The following SGCZ variants were observed in gnomAD, a reference collection of about 807,000 sequenced individuals.
The protein encoded by SGCZ is sarcoglycan zeta, also known as zeta-sarcoglycan.
Under a neutral mutation model 41.3 loss-of-function variants are expected in SGCZ, and 40 were observed. That is an observed-to-expected ratio of 0.97 (90% CI 0.75 to 1.26). The LOEUF (loss-of-function observed/expected upper bound fraction) is 1.26, where lower values mean the gene tolerates loss of function less well. Among genes scored for constraint, SGCZ ranks in the 50% most tolerant of loss-of-function variants. The pLI is 0.00. For synonymous variants in SGCZ, 206 were observed against 137.5 expected (o/e 1.50, Z -3.49); for missense variants, 552 against 369.8 (o/e 1.49, Z -4.04).
At chr8:14,128,372 C>T (rs970431622) in intron 5 of SGCZ, among the ~76,000 whole-genome samples, 19 of 152,200 alleles carry the variant, frequency 1.2e-4, no homozygotes, top group Admixed American at 3.3e-4. Context: ...TTACACCGTT[C>T]GGAACAGCTA....
chr8:15,217,212 T>C (rs1038690197), intron 1 of SGCZ, among the ~76,000 whole-genome samples: 2 of 151,344 alleles, frequency 1.3e-5, no homozygotes, highest in African/African-American at 4.9e-5. Flanking sequence ...GGTCAGGAGA[T>C]CGAGACCATC....
intron 2 of SGCZ, among the ~76,000 whole-genome samples, chr8:14,380,594 C>CAGGCG (rs1235675293): frequency 2.4e-4 from 36 of 152,312 alleles, no homozygotes; most frequent in Non-Finnish European, 3.2e-4. Flanking sequence ...TGGCTCATGC[C>CAGGCG]TGTAATCCCA....
intron 2 of SGCZ, among the ~76,000 whole-genome samples, chr8:14,529,830 T>C (rs1207426514): frequency 9.9e-5 from 15 of 152,096 alleles, no homozygotes; most frequent in Admixed American, 6.6e-4. Context: ...CTCATCTTTA[T>C]TGTAAAGATA....
chr8:14,423,422 T>A (rs567382796), intron 2 of SGCZ, among the ~76,000 whole-genome samples: 154 of 152,188 alleles, frequency 1.0e-3, no homozygotes, highest in Non-Finnish European at 1.9e-3. Context: ...TGATAATAAT[T>A]ATTATTTTTT....
intron 4 of SGCZ, among the ~76,000 whole-genome samples, chr8:14,199,792 C>G (rs1339812688): frequency 1.3e-5 from 2 of 152,010 alleles, no homozygotes; most frequent in Non-Finnish European, 1.5e-5. Context: ...AACGCATTTC[C>G]TTTTTAAAGA....
intron 1 of SGCZ, among the ~76,000 whole-genome samples, chr8:15,199,807 A>T (rs542272456): frequency 6.6e-6 from 1 of 152,348 alleles, no homozygotes; most frequent in South Asian, 2.1e-4. Flanking sequence ...TATGAAACCT[A>T]TACTGTATTA....
intron 2 of SGCZ, among the ~76,000 whole-genome samples, chr8:14,374,219 G>T (rs1804021450): frequency 6.6e-6 from 1 of 151,924 alleles, no homozygotes; most frequent in Non-Finnish European, 1.5e-5. Flanking sequence ...CTCTACACAA[G>T]TATACAAAAA....
intron 1 of SGCZ, among the ~76,000 whole-genome samples, chr8:14,968,603 G>A (rs747033967): frequency 3.9e-5 from 6 of 152,104 alleles, no homozygotes; most frequent in Non-Finnish European, 7.4e-5. Flanking sequence ...TGTAGATGAC[G>A]TGTGTACAGA....
chr8:14,668,175 G>C (rs548486309), intron 1 of SGCZ, among the ~76,000 whole-genome samples: 1 of 152,252 alleles, frequency 6.6e-6, no homozygotes, highest in East Asian at 1.9e-4. Context: ...GGCCAGGCTA[G>C]TCTCAAACTC....
At chr8:15,140,366 G>T (rs2116994945) in intron 1 of SGCZ, among the ~76,000 whole-genome samples, 1 of 152,210 alleles carries the variant, frequency 6.6e-6, no homozygotes, top group African/African-American at 2.4e-5. Flanking sequence ...TATAAATAGT[G>T]TAATCACTTA....
chr8:14,167,287 G>T (rs1421867132), intron 4 of SGCZ, among the ~76,000 whole-genome samples: 5 of 152,076 alleles, frequency 3.3e-5, no homozygotes, highest in Non-Finnish European at 7.4e-5. Context: ...GTCAAGGCAG[G>T]ATTCAGTTAC....
chr8:15,203,973 A>G (rs1420230531), intron 1 of SGCZ, among the ~76,000 whole-genome samples: 2 of 152,206 alleles, frequency 1.3e-5, no homozygotes, highest in Admixed American at 1.3e-4. Context: ...CGTTTATGTA[A>G]GAAACAATAA....
At chr8:14,391,667 C>T (rs970179725) in intron 2 of SGCZ, among the ~76,000 whole-genome samples, 17 of 151,968 alleles carry the variant, frequency 1.1e-4, no homozygotes, top group African/African-American at 3.4e-4. Flanking sequence ...ATTATGTGAT[C>T]GCTTGGATTT....
In SGCZ at chr8:14,529,529, C is replaced by G. The variant is rs1269970507; in HGVS notation, c.234+25203G>C. On this transcript the variant is annotated intron_variant, in intron 2 of 7. Transcript: ENST00000382080. ...CTTGGTAGTGAACTCCAGTAAGATA[C>G]ATTAGCCCTCATCTAGGATTGTACT... 3.3e-5 allele frequency among the ~76,000 whole-genome samples: 5 copies of G among 152,152 alleles called. No homozygotes were observed. In the East Asian group the frequency reaches 9.7e-4, roughly 29 times the overall value.
At chr8:14,656,799 G>A (rs919340166) in intron 1 of SGCZ, among the ~76,000 whole-genome samples, 11 of 151,856 alleles carry the variant, frequency 7.2e-5, no homozygotes, top group African/African-American at 2.7e-4. Flanking sequence ...AATGGAAATT[G>A]TGTATACTAA....
At chr8:15,118,195 C>A (rs1807341794) in intron 1 of SGCZ, among the ~76,000 whole-genome samples, 1 of 152,166 alleles carries the variant, frequency 6.6e-6, no homozygotes, top group Admixed American at 6.5e-5. Flanking sequence ...ATCAGAAAAG[C>A]ATTTTAAGAT....
intron 2 of SGCZ, among the ~76,000 whole-genome samples, chr8:14,549,964 T>C (rs745921814): frequency 3.3e-5 from 5 of 152,126 alleles, no homozygotes; most frequent in Non-Finnish European, 5.9e-5. Flanking sequence ...AGTGGTGGTA[T>C]AAATTGATAC....
intron 1 of SGCZ, among the ~76,000 whole-genome samples, chr8:14,795,808 G>A (rs1353281348): frequency 1.3e-5 from 2 of 151,954 alleles, no homozygotes; most frequent in African/African-American, 4.8e-5. Context: ...TATTTTTCCT[G>A]ATCCTCTTCC....
At chr8:14,155,624 A>C (rs1286904443) in intron 5 of SGCZ, among the ~76,000 whole-genome samples, 3 of 151,832 alleles carry the variant, frequency 2.0e-5, no homozygotes, top group Admixed American at 6.6e-5. Flanking sequence ...TATAGTAAAA[A>C]TGATATTTAT....
Sources: gnomAD v4.1 joint callset for allele counts (sites outside exome capture counted in the v4.1 genomes callset) on GRCh38, gnomAD v4.1.1 for gene constraint, MANE v1.5 for transcripts, NCBI Gene and HGNC (gene_info 2026-07-23, HGNC 2026-07-21) for gene names.